The following SLC14A1 variants were observed in gnomAD, a reference collection of about 807,000 sequenced individuals.
SLC14A1 encodes solute carrier family 14 member 1 (Kidd blood group).
Under a neutral mutation model 39.6 loss-of-function variants are expected in SLC14A1, and 36 were observed. The ratio of observed to expected loss-of-function variants is 0.91; its 90% confidence interval spans 0.70 to 1.20. The LOEUF (loss-of-function observed/expected upper bound fraction) is 1.20. Ranked by LOEUF, SLC14A1 falls within the 50% of genes most tolerant of loss-of-function variation. SLC14A1 has a pLI of 0.00. For synonymous variants in SLC14A1, 164 were observed against 173.6 expected, an observed-to-expected ratio of 0.94 and a Z score of 0.43; for missense variants, 469 against 478.7, an observed-to-expected ratio of 0.98 and a Z score of 0.19.
At chr18:45,734,653 T>C (rs1288421409) in intron 5 of SLC14A1, among the ~76,000 whole-genome samples, 1 of 152,068 alleles carries the variant, frequency 6.6e-6, no homozygotes, top group African/African-American at 2.4e-5. Context: ...GGGGGAAGGA[T>C]CACTTGAGCC....
chr18:45,728,091 T>G (rs1463734476), intron 2 of SLC14A1, among the ~76,000 whole-genome samples: 10 of 152,216 alleles, frequency 6.6e-5, no homozygotes, highest in Admixed American at 6.5e-4. Flanking sequence ...TGAAATTAGA[T>G]TCACAAATGG....
chr18:45,736,949 T>G, intron 6 of SLC14A1, among the ~76,000 whole-genome samples: 1 of 141,180 alleles, frequency 7.1e-6, no homozygotes, highest in South Asian at 2.3e-4. Context: ...GTGGGGGTGA[T>G]GGGAGCCAGC....
intron 2 of SLC14A1, chr18:45,727,449 G>A (rs1397803700): frequency 6.6e-7 from 1 of 1,525,388 alleles, no homozygotes. Flanking sequence ...CTCTGGCTCG[G>A]GGAACCTGGG....
At chr18:45,738,248 G>A (rs1238076174) in intron 6 of SLC14A1, among the ~76,000 whole-genome samples, 1 of 152,194 alleles carries the variant, frequency 6.6e-6, no homozygotes, top group African/African-American at 2.4e-5. Context: ...AAGGTCTTTG[G>A]TACATACACG....
At position 45,749,875 on chromosome 18, in the gene SLC14A1, G is replaced by C; in HGVS notation, c.1094G>C (p.Ser365Thr). 1 of 1,614,120 alleles carries C rather than the reference G, an allele frequency of 6.2e-7. No individual in the cohort carries two copies. Among genetic ancestry groups the C allele is most frequent in the Non-Finnish European group, 8.5e-7 (1 of 1,180,030 alleles). The change falls in exon 10 of 10, where the codon AGT becomes ACT. Residue 365 changes from serine to threonine, a missense_variant. Ser to Thr is a moderately conservative substitution (Grantham distance 58). Coordinates refer to ENST00000321925, the MANE Select transcript of SLC14A1 (RefSeq NM_015865.7). ...TCCAACATCTACAAGATGCCCCTCA[G>C]TAAAGTTACTTATCCTGAAGAAAAC... The part of the protein sequence containing the change: ...KNSNIYKMPL[S>T]KVTYPEENRI...
chr18:45,740,357 G>A (rs2047331307), intron 8 of SLC14A1, among the ~76,000 whole-genome samples: 1 of 152,154 alleles, frequency 6.6e-6, no homozygotes, highest in Non-Finnish European at 1.5e-5. Context: ...TCACCTGAAA[G>A]ACTTGTTAAA....
chr18:45,731,054 G>A lies in SLC14A1; in HGVS notation c.191G>A (p.Arg64Gln), dbSNP rs114362217. Residue 64 changes from arginine (R) to glutamine (Q), a missense_variant, in exon 4 of 10, where the codon CGG becomes CAG. Physicochemically the swap from Arg to Gln is conservative, Grantham distance 43. Coordinates refer to ENST00000321925, the MANE Select transcript of SLC14A1 (RefSeq NM_015865.7). ...CTCCAGTTCATTGACTGGATTCTCCGGGGCATATCCCAAGTGGTGTTCGTC... is the reference window on the plus strand; with the variant it reads ...CTCCAGTTCATTGACTGGATTCTCCAGGGCATATCCCAAGTGGTGTTCGTC... ...VVLQFIDWIL[R>Q]GISQVVFVNN... The A allele has an allele frequency of 6.6e-5, 106 of 1,614,086 alleles. No homozygotes were observed. In the African/African-American group the frequency reaches 8.3e-4, roughly 13 times the overall value.
chr18:45,747,502 C>T (rs1440263031), intron 8 of SLC14A1, among the ~76,000 whole-genome samples: 5 of 150,166 alleles, frequency 3.3e-5, no homozygotes, highest in Admixed American at 1.3e-4. Flanking sequence ...TCCTGGTTAA[C>T]ATGGTGAAAC....
At chr18:45,731,290 A>T in intron 4 of SLC14A1, 86 bp downstream of exon 4, 2 of 1,281,334 alleles carry the variant, frequency 1.6e-6, no homozygotes, top group Non-Finnish European at 1.1e-6. Flanking sequence ...ATAAAACCAC[A>T]TCCTTCCCAG....
chr18:45,739,900 T>G, intron 8 of SLC14A1: 1 of 576,410 alleles, frequency 1.7e-6, no homozygotes, highest in East Asian at 3.0e-5. Context: ...ATTAATATCC[T>G]AAAACATGGA....
chr18:45,748,361 T>A lies in SLC14A1; in HGVS notation c.947-15T>A. Reference sequence around the variant, plus strand: ...CTACGAAGCATTGTTCTTTCCCTCCTTTTTTTTTCTGTAGCCCTGTTCACG... The same window carrying A: ...CTACGAAGCATTGTTCTTTCCCTCCATTTTTTTTCTGTAGCCCTGTTCACG... On this transcript the variant is annotated splice_polypyrimidine_tract_variant and intron_variant, in intron 8 of 9. Coordinates refer to ENST00000321925, the MANE Select transcript of SLC14A1 (RefSeq NM_015865.7). The A allele has an allele frequency of 6.2e-7, 1 of 1,603,506 alleles. No individual in the cohort carries two copies. The highest frequency in any genetic ancestry group is 8.5e-7 in the Non-Finnish European group (1 of 1,171,472).
At chr18:45,745,080 T>TA (rs1210435203) in intron 8 of SLC14A1, among the ~76,000 whole-genome samples, 1 of 152,128 alleles carries the variant, frequency 6.6e-6, no homozygotes, top group Admixed American at 6.5e-5. Flanking sequence ...CCATCTCTAC[T>TA]AAAAATACAA....
intron 2 of SLC14A1, chr18:45,729,471 T>G (rs935203721): frequency 2.0e-5 from 3 of 152,246 alleles, no homozygotes; most frequent in African/African-American, 4.8e-5. Flanking sequence ...CAGTCATGGT[T>G]ATAGTGTTCA....
At chr18:45,738,261 C>T (rs2047255625) in intron 6 of SLC14A1, among the ~76,000 whole-genome samples, 1 of 152,204 alleles carries the variant, frequency 6.6e-6, no homozygotes, top group Admixed American at 6.5e-5. Flanking sequence ...CATACACGAC[C>T]TAGCAATGGT....
intron 3 of SLC14A1, 35 bp from the exon 4 acceptor site, chr18:45,730,980 G>C: frequency 1.2e-6 from 2 of 1,604,466 alleles, no homozygotes; most frequent in Non-Finnish European, 1.7e-6. Flanking sequence ...TCACTTGGCA[G>C]CTTCCTTAGC....
Position 45,730,648 on chromosome 18 carries a change from G to A in SLC14A1, c.151+177G>A, listed in dbSNP as rs554079387. Among the ~76,000 whole-genome samples, 45 of 151,316 alleles carry A rather than the reference G, an allele frequency of 3.0e-4. 1 individual carries two copies. Among genetic ancestry groups the A allele is most frequent in the Non-Finnish European group, 5.9e-5 (4 of 67,878 alleles). On this transcript the variant is annotated intron_variant, in intron 3 of 9. Transcript: ENST00000321925. ...AACCTCTCCATTTTTTTTTCTTATG[G>A]AGACAGTAGCCAGGGCCCAGCTCAT...
At chr18:45,732,057 C>T (rs1251685277) in intron 4 of SLC14A1, among the ~76,000 whole-genome samples, 3 of 152,202 alleles carry the variant, frequency 2.0e-5, no homozygotes, top group Non-Finnish European at 4.4e-5. Flanking sequence ...AACTCTATTC[C>T]AATGCATGCC....
intron 1 of SLC14A1, among the ~76,000 whole-genome samples, chr18:45,724,591 C>G (rs549740687): frequency 6.6e-6 from 1 of 152,322 alleles, no homozygotes; most frequent in East Asian, 1.9e-4. Context: ...TTAATCAACA[C>G]TATTAGGAGT....
chr18:45,740,108 G>T (rs1163842871), intron 8 of SLC14A1, among the ~76,000 whole-genome samples: 1 of 152,216 alleles, frequency 6.6e-6, no homozygotes, highest in African/African-American at 2.4e-5. Flanking sequence ...GCTCCTGGCT[G>T]TGAGGATCTG....
Sources: allele counts gnomAD v4.1 joint callset (sites outside exome capture counted in the v4.1 genomes callset), GRCh38; gene constraint gnomAD v4.1.1; transcripts MANE v1.5; gene names NCBI Gene and HGNC (gene_info 2026-07-23, HGNC 2026-07-21).